GABRG2: variants seen among roughly 807,000 people sequenced by gnomAD.
GABRG2 encodes the protein gamma-aminobutyric acid receptor subunit gamma-2.
A neutral mutation model predicts 56.4 loss-of-function variants in GABRG2; 16 were observed. That is an observed-to-expected ratio of 0.28 (90% CI 0.19 to 0.43). The LOEUF (loss-of-function observed/expected upper bound fraction) is 0.43. Among genes scored for constraint, GABRG2 ranks in the 20% least tolerant of loss-of-function variants. GABRG2 has a pLI of 1.00. For missense variants in GABRG2, 327 were observed against 582.7 expected (o/e 0.56, Z 4.52); for synonymous variants, 208 against 205.5 (o/e 1.01, Z -0.10).
rs1191433904 is a variant in GABRG2, at chr5:162,078,513, C to T, written c.107+10407C>T. Reference sequence around the variant, plus strand: ...GCTGCGCCTCCCAGGTTCATGCATTCTCCCACTTCAGCCTCCTGAGTATCT... The same window carrying T: ...GCTGCGCCTCCCAGGTTCATGCATTTTCCCACTTCAGCCTCCTGAGTATCT... On this transcript the variant is annotated intron_variant, in intron 1 of 9. Transcript: ENST00000639213. Among the ~76,000 whole-genome samples the T allele has an allele frequency of 1.7e-4, 24 of 143,802 alleles. 1 individual carries two copies. In the Admixed American group the frequency reaches 1.7e-3, roughly 10 times the overall value. 94.3% of individuals were successfully genotyped at this position (143,802 alleles called of 152,430 possible).
Position 162,067,981 on chromosome 5 carries a change from A to G in GABRG2, c.-19A>G. ...GCAACCAAGAGGCAAGAGGCGAGAG[A>G]AGGAAAAAAAAAAAAGCGATGAGTT... On this transcript the variant is annotated 5_prime_UTR_variant, in exon 1 of 10. Coordinates refer to ENST00000639213, the MANE Select transcript of GABRG2 (RefSeq NM_198904.4). 2 of 1,539,126 alleles carry G rather than the reference A, an allele frequency of 1.3e-6. No homozygotes were observed. The highest frequency in any genetic ancestry group is 1.1e-5 in the South Asian group (1 of 89,448).
chr5:162,126,585 G>A (rs554640076), intron 6 of GABRG2, among the ~76,000 whole-genome samples: 10 of 151,982 alleles, frequency 6.6e-5, no homozygotes, highest in South Asian at 2.1e-4. Flanking sequence ...GCTTCACATC[G>A]TCCCCAGGAG....
chr5:162,101,562 A>G, intron 5 of GABRG2: 1 of 510,256 alleles, frequency 2.0e-6, no homozygotes, highest in Non-Finnish European at 3.5e-6. Context: ...AACTTTTAAT[A>G]TATTGGTTGC....
chr5:162,112,110 G>A (rs980271299), intron 6 of GABRG2, among the ~76,000 whole-genome samples: 1 of 152,022 alleles, frequency 6.6e-6, no homozygotes, highest in Non-Finnish European at 1.5e-5. Context: ...TTCAAAAATT[G>A]TTGAATCCAG....
intron 1 of GABRG2, among the ~76,000 whole-genome samples, chr5:162,079,277 G>A (rs913919320): frequency 1.3e-5 from 2 of 152,210 alleles, no homozygotes; most frequent in Admixed American, 1.3e-4. Context: ...AATGAGGATG[G>A]AAAGATTTCT....
intron 7 of GABRG2, among the ~76,000 whole-genome samples, chr5:162,144,390 T>C (rs1417286884): frequency 6.6e-6 from 1 of 152,198 alleles, no homozygotes; most frequent in Non-Finnish European, 1.5e-5. Context: ...GGGTAACTCA[T>C]TTAACCCACT....
chr5:162,149,374 C>A, intron 8 of GABRG2, 61 bp downstream of exon 8: 1 of 1,517,430 alleles, frequency 6.6e-7, no homozygotes, highest in Non-Finnish European at 9.1e-7. Context: ...AGTTTGTTTT[C>A]ATTAGCCTAT....
At chr5:162,078,304 G>A (rs567282516) in intron 1 of GABRG2, among the ~76,000 whole-genome samples, 6 of 138,144 alleles carry the variant, frequency 4.3e-5, no homozygotes, top group East Asian at 4.4e-4. Flanking sequence ...AAATTAATCA[G>A]ATCCCTTTAA....
At chr5:162,079,831 G>A (rs1021085192) in intron 1 of GABRG2, among the ~76,000 whole-genome samples, 1 of 152,016 alleles carries the variant, frequency 6.6e-6, no homozygotes, top group Admixed American at 6.6e-5. Flanking sequence ...CGCCCAGGCT[G>A]GAGTGCAGTG....
At chr5:162,106,263 A>G (rs1299999876) in intron 6 of GABRG2, among the ~76,000 whole-genome samples, 2 of 152,202 alleles carry the variant, frequency 1.3e-5, no homozygotes, top group Admixed American at 6.5e-5. Context: ...ACTGAGTACC[A>G]TCATGTAACT....
At chr5:162,145,406 T>G (rs1335475688) in intron 7 of GABRG2, among the ~76,000 whole-genome samples, 1 of 152,110 alleles carries the variant, frequency 6.6e-6, no homozygotes, top group Non-Finnish European at 1.5e-5. Flanking sequence ...GAGGAACTGG[T>G]AAAAGCTATG....
chr5:162,117,898 G>A (rs981917201), intron 6 of GABRG2, among the ~76,000 whole-genome samples: 5 of 152,098 alleles, frequency 3.3e-5, no homozygotes, highest in Admixed American at 1.3e-4. Flanking sequence ...TGATGATGAT[G>A]ACGCAGATGC....
At chr5:162,141,097 C>T (rs771691171) in intron 6 of GABRG2, among the ~76,000 whole-genome samples, 3 of 152,084 alleles carry the variant, frequency 2.0e-5, no homozygotes, top group South Asian at 2.1e-4. Flanking sequence ...AGTGCAGTGG[C>T]GCCATCTCGG....
chr5:162,139,316 C>T (rs937619858), intron 6 of GABRG2, among the ~76,000 whole-genome samples: 3 of 152,138 alleles, frequency 2.0e-5, no homozygotes, highest in East Asian at 1.9e-4. Context: ...CCACTGATGC[C>T]GCACTTTAAG....
Position 162,136,736 on chromosome 5 carries a change from C to T in GABRG2, c.770-5428C>T, listed in dbSNP as rs139664800. On this transcript the variant is annotated intron_variant, in intron 6 of 9. Transcript: ENST00000639213. ...CAGGTTTAGAAGCCTGGGCTTTCTC[C>T]GAAGAGGAGCGTGGACCTATTTAAG... Among the ~76,000 whole-genome samples, 20 of 152,176 alleles carry T rather than the reference C, an allele frequency of 1.3e-4. No homozygotes were observed. In the East Asian group the frequency reaches 3.7e-3, roughly 28 times the overall value.
chr5:162,114,374 C>G (rs1762464923), intron 6 of GABRG2, among the ~76,000 whole-genome samples: 1 of 151,846 alleles, frequency 6.6e-6, no homozygotes, highest in Non-Finnish European at 1.5e-5. Flanking sequence ...TATGAGATAG[C>G]ATATGTATCT....
At chr5:162,093,578 G>C (rs1239895010) in intron 1 of GABRG2, among the ~76,000 whole-genome samples, 1 of 152,138 alleles carries the variant, frequency 6.6e-6, no homozygotes, top group East Asian at 1.9e-4. Flanking sequence ...TATGGGAAAA[G>C]TAAAAATAAC....
At chr5:162,149,718 A>G (rs769501306) in intron 8 of GABRG2, 7 of 481,324 alleles carry the variant, frequency 1.5e-5, no homozygotes, top group Non-Finnish European at 2.5e-5. Flanking sequence ...GGTTCAAGCA[A>G]TTCTCCTGCC....
chr5:162,078,562 T>C (rs1759384133), intron 1 of GABRG2, among the ~76,000 whole-genome samples: 1 of 151,132 alleles, frequency 6.6e-6, no homozygotes, highest in African/African-American at 2.4e-5. Flanking sequence ...CCTGCCACCA[T>C]GCCCGGATAA....
Sources: gnomAD v4.1 joint callset for allele counts (sites outside exome capture counted in the v4.1 genomes callset) on GRCh38, gnomAD v4.1.1 for gene constraint, MANE v1.5 for transcripts, NCBI Gene and HGNC (gene_info 2026-07-23, HGNC 2026-07-21) for gene names.